Variants in WWOX observed in about 807,000 individuals in gnomAD.
WWOX encodes the protein WW domain-containing oxidoreductase.
WWOX carries 69 observed loss-of-function variants against 46.2 expected under a neutral mutation model. The observed-to-expected ratio is 1.49, with a 90% CI of 1.23 to 1.82. The LOEUF (loss-of-function observed/expected upper bound fraction) is 1.82, where lower values mean the gene tolerates loss of function less well. WWOX is among the 40% of genes most tolerant of loss of function. The pLI is 0.00. For synonymous variants in WWOX, 359 were observed against 202.6 expected (o/e 1.77, Z -6.56); for missense variants, 919 against 542.6 (o/e 1.69, Z -6.89).
At chr16:78,342,448 A>G (rs1466549019) in intron 5 of WWOX, among the ~76,000 whole-genome samples, 1 of 120,680 alleles carries the variant, frequency 8.3e-6, no homozygotes, top group African/African-American at 2.8e-5. Context: ...ATGAAGCAGC[A>G]TTTTTTATGG....
intron 5 of WWOX, among the ~76,000 whole-genome samples, chr16:78,188,313 C>G (rs1481167728): frequency 6.6e-6 from 1 of 151,900 alleles, no homozygotes; most frequent in Non-Finnish European, 1.5e-5. Flanking sequence ...CACGGTGAAA[C>G]CCCGTCTTTA....
At chr16:78,376,902 G>A (rs1389360253) in intron 5 of WWOX, among the ~76,000 whole-genome samples, 1 of 152,180 alleles carries the variant, frequency 6.6e-6, no homozygotes, top group Non-Finnish European at 1.5e-5. Flanking sequence ...TCCACCGTGT[G>A]GAATGTAAAA....
At chr16:78,543,740 A>G (rs1274373713) in intron 8 of WWOX, among the ~76,000 whole-genome samples, 1 of 152,124 alleles carries the variant, frequency 6.6e-6, no homozygotes, top group Non-Finnish European at 1.5e-5. Flanking sequence ...CCATCCTCAA[A>G]ACAGAAACCT....
chr16:79,103,066 CACCATA>C (rs1259237182), intron 8 of WWOX, among the ~76,000 whole-genome samples: 5 of 152,262 alleles, frequency 3.3e-5, no homozygotes, highest in African/African-American at 1.2e-4. Context: ...GGCAAGTTCT[CACCATA>C]ACCCTCTGGC....
At position 78,304,380 on chromosome 16, in the gene WWOX, T is replaced by C. The variant is rs533081832; in HGVS notation, c.517-82480T>C. ...GAAAGGGTGAGTGTGGAGGTTTGGT[T>C]TCCCCACTTTTTCCAGCCATGCTGT... On this transcript the variant is annotated intron_variant, in intron 5 of 8. Coordinates refer to ENST00000566780, the MANE Select transcript of WWOX (RefSeq NM_016373.4). Among the ~76,000 whole-genome samples the C allele has an allele frequency of 4.6e-5, 7 of 152,334 alleles. No homozygotes were observed. The South Asian group carries it at 1.5e-3, about 32-fold the overall frequency.
At chr16:78,743,274 G>A (rs2049274312) in intron 8 of WWOX, among the ~76,000 whole-genome samples, 1 of 152,120 alleles carries the variant, frequency 6.6e-6, no homozygotes, top group Admixed American at 6.6e-5. Flanking sequence ...TTGGCCCTGT[G>A]TATCCCTCAG....
chr16:78,764,242 G>T (rs1162357873), intron 8 of WWOX, among the ~76,000 whole-genome samples: 1 of 151,936 alleles, frequency 6.6e-6, no homozygotes, highest in Non-Finnish European at 1.5e-5. Flanking sequence ...GTTGTTAAAC[G>T]GCTCCGCCTT....
chr16:78,894,375 A>G (rs543017293), intron 8 of WWOX, among the ~76,000 whole-genome samples: 4 of 152,326 alleles, frequency 2.6e-5, no homozygotes, highest in Admixed American at 2.0e-4. Context: ...TCCAAGTATA[A>G]TATTGAACTT....
chr16:79,109,743 A>G (rs972067964), intron 8 of WWOX, among the ~76,000 whole-genome samples: 8 of 152,210 alleles, frequency 5.3e-5, no homozygotes, highest in African/African-American at 1.7e-4. Flanking sequence ...AGAATCTAGA[A>G]TCTAGAATTA....
intron 8 of WWOX, among the ~76,000 whole-genome samples, chr16:79,208,207 C>T (rs1420388868): frequency 1.3e-5 from 2 of 152,262 alleles, no homozygotes; most frequent in African/African-American, 2.4e-5. Flanking sequence ...TTGACTAGAT[C>T]GGAAATGGCA....
chr16:78,789,133 G>A (rs537325768), intron 8 of WWOX, among the ~76,000 whole-genome samples: 1 of 152,078 alleles, frequency 6.6e-6, no homozygotes, highest in Non-Finnish European at 1.5e-5. Flanking sequence ...TACCTCTGTG[G>A]TGTCACCCCT....
intron 8 of WWOX, among the ~76,000 whole-genome samples, chr16:78,900,582 AC>A (rs1182566201): frequency 6.6e-6 from 1 of 152,096 alleles, no homozygotes; most frequent in African/African-American, 2.4e-5. Context: ...GTTATTTGTA[AC>A]CAGTACACAA....
intron 8 of WWOX, among the ~76,000 whole-genome samples, chr16:79,198,180 C>A (rs960038238): frequency 2.0e-5 from 3 of 150,966 alleles, no homozygotes; most frequent in Admixed American, 6.6e-5. Context: ...AAAACAAAAA[C>A]CACAAAAATT....
chr16:78,871,101 T>G (rs2044118349), intron 8 of WWOX, among the ~76,000 whole-genome samples: 1 of 152,082 alleles, frequency 6.6e-6, no homozygotes, highest in Non-Finnish European at 1.5e-5. Context: ...AGTAAATACT[T>G]GTTGAATATC....
At chr16:78,659,269 T>C (rs541722739) in intron 8 of WWOX, among the ~76,000 whole-genome samples, 1 of 152,110 alleles carries the variant, frequency 6.6e-6, no homozygotes, top group African/African-American at 2.4e-5. Flanking sequence ...GAGATAACCG[T>C]GTAGCAGAAT....
chr16:78,891,819 T>C (rs1445030678), intron 8 of WWOX: 1 of 152,144 alleles, frequency 6.6e-6, no homozygotes. Context: ...ATTTCATATA[T>C]GAAGGCAAAG....
intron 5 of WWOX, among the ~76,000 whole-genome samples, chr16:78,367,153 A>G (rs1597109683): frequency 6.6e-6 from 1 of 151,598 alleles, no homozygotes; most frequent in South Asian, 2.1e-4. Context: ...CTAATTTTTT[A>G]TATTTTTAGT....
chr16:79,126,158 G>C (rs777816539), intron 8 of WWOX, among the ~76,000 whole-genome samples: 1 of 152,112 alleles, frequency 6.6e-6, no homozygotes, highest in African/African-American at 2.4e-5. Context: ...CTGTCATTCT[G>C]GATGATGTGA....
chr16:78,834,121 T>C (rs1329524184), intron 8 of WWOX, among the ~76,000 whole-genome samples: 2 of 152,238 alleles, frequency 1.3e-5, no homozygotes, highest in Non-Finnish European at 2.9e-5. Context: ...GTATGGAGCC[T>C]GTTAAGACCA....
Sources: allele counts gnomAD v4.1 joint callset (sites outside exome capture counted in the v4.1 genomes callset), GRCh38; gene constraint gnomAD v4.1.1; transcripts MANE v1.5; gene names NCBI Gene and HGNC (gene_info 2026-07-23, HGNC 2026-07-21).